Variants in GPR39 observed in about 807,000 individuals in gnomAD.
GPR39 encodes zinc sensing receptor.
GPR39 carries 23 observed loss-of-function variants against 18.4 expected under a neutral mutation model. That is an observed-to-expected ratio of 1.25 (90% CI 0.90 to 1.77). GPR39 has a LOEUF of 1.77. Ranked by LOEUF, GPR39 falls within the 40% of genes most tolerant of loss-of-function variation. GPR39 has a pLI of 0.00. For missense variants in GPR39, 647 were observed against 602.4 expected, an observed-to-expected ratio of 1.07 and a Z score of -0.78; for synonymous variants, 280 against 257.9, an observed-to-expected ratio of 1.09 and a Z score of -0.82.
chr2:132,529,615 A>G (rs535868387), intron 1 of GPR39, among the ~76,000 whole-genome samples: 203 of 152,338 alleles, frequency 1.3e-3, no homozygotes, highest in African/African-American at 4.6e-3. Flanking sequence ...GTAGGGGCGG[A>G]CTGACACCTC....
intron 1 of GPR39, among the ~76,000 whole-genome samples, chr2:132,545,771 C>T (rs1054243922): frequency 1.3e-5 from 2 of 152,020 alleles, no homozygotes; most frequent in African/African-American, 4.8e-5. Context: ...AGAATCAGAT[C>T]AGTCAGTCTG....
In GPR39 at chr2:132,544,171, A is replaced by G. The variant is rs544300158; in HGVS notation, c.857-100930A>G. The stretch of plus-strand genomic sequence containing the variant: ...GTTAAGATGTCATCTTTTAGTTTCT[A>G]TAGGGAAGCAAAACACCTTGTGACT... On this transcript the variant is annotated intron_variant, in intron 1 of 1. Transcript: ENST00000329321. Among the ~76,000 whole-genome samples, 5 of 152,324 alleles carry G rather than the reference A, an allele frequency of 3.3e-5. No homozygotes were observed. The South Asian group carries it at 8.3e-4, about 25-fold the overall frequency.
chr2:132,579,921 T>G (rs974346234), intron 1 of GPR39, among the ~76,000 whole-genome samples: 1 of 152,190 alleles, frequency 6.6e-6, no homozygotes, highest in Non-Finnish European at 1.5e-5. Context: ...CTAAGGGTTA[T>G]GTGATATTGA....
At chr2:132,608,871 C>A (rs1681188643) in intron 1 of GPR39, among the ~76,000 whole-genome samples, 1 of 152,146 alleles carries the variant, frequency 6.6e-6, no homozygotes, top group Non-Finnish European at 1.5e-5. Flanking sequence ...TGTGGTCGCT[C>A]ATTACTGAGG....
At chr2:132,541,347 G>T (rs13025723) in intron 1 of GPR39, among the ~76,000 whole-genome samples, 19,092 of 152,168 alleles carry the variant, frequency 0.13, 2,077 homozygotes, top group East Asian at 0.59. Context: ...GCCTCCCAAA[G>T]TGCTGAGATT....
At chr2:132,441,879 C>CGTG (rs1016256220) in intron 1 of GPR39, among the ~76,000 whole-genome samples, 1 of 152,000 alleles carries the variant, frequency 6.6e-6, no homozygotes, top group African/African-American at 2.4e-5. Flanking sequence ...GAGATCTTGC[C>CGTG]GTGTGCTTGC....
intron 1 of GPR39, among the ~76,000 whole-genome samples, chr2:132,558,616 AGAAGCTTTT>A (rs888682562): frequency 9.9e-5 from 15 of 152,170 alleles, no homozygotes; most frequent in Non-Finnish European, 1.9e-4. Context: ...GTCGGGGGAA[AGAAGCTTTT>A]TCTTCAGGGC....
intron 1 of GPR39, among the ~76,000 whole-genome samples, chr2:132,469,241 G>C (rs1346627484): frequency 2.0e-5 from 3 of 152,190 alleles, no homozygotes; most frequent in Non-Finnish European, 4.4e-5. Flanking sequence ...TCAGTTTAGA[G>C]CTCTTTAAAG....
At chr2:132,429,270 A>T (rs1437711138) in intron 1 of GPR39, among the ~76,000 whole-genome samples, 1 of 152,222 alleles carries the variant, frequency 6.6e-6, no homozygotes, top group Non-Finnish European at 1.5e-5. Context: ...CTCTCAAAAG[A>T]AAACGCTCTG....
At chr2:132,426,446 C>A (rs546060308) in intron 1 of GPR39, among the ~76,000 whole-genome samples, 21 of 152,158 alleles carry the variant, frequency 1.4e-4, no homozygotes, top group African/African-American at 4.1e-4. Context: ...AATGACTAGG[C>A]GCTGCATAAA....
chr2:132,535,561 T>G (rs1679740012), intron 1 of GPR39, among the ~76,000 whole-genome samples: 1 of 152,184 alleles, frequency 6.6e-6, no homozygotes. Context: ...GGTATCAGGA[T>G]GATGCTGGCC....
chr2:132,546,031 A>G (rs1305087726), intron 1 of GPR39, among the ~76,000 whole-genome samples: 1 of 152,248 alleles, frequency 6.6e-6, no homozygotes, highest in Non-Finnish European at 1.5e-5. Context: ...ATCAGCATCC[A>G]TAACTGGCAT....
chr2:132,437,255 A>C (rs1186965830), intron 1 of GPR39, among the ~76,000 whole-genome samples: 1 of 152,254 alleles, frequency 6.6e-6, no homozygotes, highest in Non-Finnish European at 1.5e-5. Context: ...TGTGAAGTGC[A>C]TTTTGATCTT....
chr2:132,614,933 T>C (rs1369807222), intron 1 of GPR39, among the ~76,000 whole-genome samples: 3 of 152,190 alleles, frequency 2.0e-5, no homozygotes, highest in African/African-American at 7.2e-5. Context: ...CCACATCATC[T>C]TATTTATTTT....
chr2:132,418,536 C>G (rs1384082019), intron 1 of GPR39: 1 of 152,194 alleles, frequency 6.6e-6, no homozygotes, highest in East Asian at 1.9e-4. Context: ...CCAGAGCAAC[C>G]TGGCAGGACG....
intron 1 of GPR39, among the ~76,000 whole-genome samples, chr2:132,548,383 A>G (rs1030609556): frequency 4.6e-5 from 7 of 152,210 alleles, no homozygotes; most frequent in Non-Finnish European, 1.0e-4. Context: ...ATAGGAAGAA[A>G]TGCTATTTGC....
chr2:132,505,832 T>C (rs1422342276), intron 1 of GPR39, among the ~76,000 whole-genome samples: 1 of 152,236 alleles, frequency 6.6e-6, no homozygotes, highest in Non-Finnish European at 1.5e-5. Context: ...TTCCGTATCT[T>C]GGCTATCGCG....
intron 1 of GPR39, among the ~76,000 whole-genome samples, chr2:132,536,544 G>T (rs902371583): frequency 2.0e-5 from 3 of 152,216 alleles, no homozygotes; most frequent in Non-Finnish European, 4.4e-5. Context: ...TGTATATTCT[G>T]TTGATTTGGA....
In GPR39 at chr2:132,645,123, C is replaced by G. The variant is rs151118262; in HGVS notation, c.879C>G (p.Ala293=). The change falls in exon 2 of 2, where the codon GCC becomes GCG. Residue 293 remains alanine (A), a synonymous_variant. Transcript: ENST00000329321. ...CAGGGCTGATTGTTGTGACATTGGCCGTATGCTGGATGCCCAACCAGATTC... is the reference window on the plus strand; with the variant it reads ...CAGGGCTGATTGTTGTGACATTGGCGGTATGCTGGATGCCCAACCAGATTC... The part of the protein sequence containing the change: ...IFLRLIVVTL[A]VCWMPNQIRR... 6.2e-7 allele frequency: 1 copy of G among 1,613,420 alleles called. No individual in the cohort carries two copies. Among genetic ancestry groups the G allele is most frequent in the Non-Finnish European group, 8.5e-7 (1 of 1,179,688 alleles).
Sources: gnomAD v4.1 joint callset for allele counts (sites outside exome capture counted in the v4.1 genomes callset) on GRCh38, gnomAD v4.1.1 for gene constraint, MANE v1.5 for transcripts, NCBI Gene and HGNC (gene_info 2026-07-23, HGNC 2026-07-21) for gene names.